The following COL13A1 variants were observed in gnomAD, a reference collection of about 807,000 sequenced individuals.
COL13A1 encodes the protein collagen type XIII alpha 1 chain.
Under a neutral mutation model 130.9 loss-of-function variants are expected in COL13A1, and 89 were observed. That is an observed-to-expected ratio of 0.68 (90% confidence interval 0.57 to 0.81). The LOEUF is 0.81. Among genes scored for constraint, COL13A1 ranks in the 30% least tolerant of loss-of-function variants. COL13A1 has a pLI of 0.00. For missense variants in COL13A1, 879 were observed against 934.6 expected (o/e 0.94, Z 0.78); for synonymous variants, 402 against 341.6 (o/e 1.18, Z -1.95).
intron 30 of COL13A1, 84 bp from the exon 31 acceptor site, chr10:69,932,476 C>A: frequency 1.1e-6 from 1 of 942,408 alleles, no homozygotes; most frequent in Admixed American, 1.9e-5. Flanking sequence ...ACGTCCCAGT[C>A]TAGTTTGTCA....
At chr10:69,820,820 C>T (rs980843974) in intron 1 of COL13A1, among the ~76,000 whole-genome samples, 4 of 152,160 alleles carry the variant, frequency 2.6e-5, no homozygotes, top group Non-Finnish European at 4.4e-5. Context: ...GCAGGTGGAG[C>T]GGGCTTTGTG....
At chr10:69,897,007 G>A (rs1394253237) in intron 13 of COL13A1, among the ~76,000 whole-genome samples, 1 of 152,150 alleles carries the variant, frequency 6.6e-6, no homozygotes, top group Non-Finnish European at 1.5e-5. Flanking sequence ...TGTGTCTCCC[G>A]TTCTTAGTAA....
intron 2 of COL13A1, among the ~76,000 whole-genome samples, chr10:69,839,484 C>T (rs923858812): frequency 8.5e-5 from 13 of 152,116 alleles, no homozygotes; most frequent in African/African-American, 3.1e-4. Context: ...GGGATATTTT[C>T]GATAGGGCAT....
At chr10:69,940,671 GGA>G (rs2067496805) in intron 34 of COL13A1, among the ~76,000 whole-genome samples, 1 of 152,156 alleles carries the variant, frequency 6.6e-6, no homozygotes, top group African/African-American at 2.4e-5. Context: ...AACACTGAAG[GGA>G]GAGGGGTTTC....
chr10:69,855,778 G>GGGGAGGGATGCAAGA (rs11269485), intron 2 of COL13A1, among the ~76,000 whole-genome samples: 77,318 of 148,182 alleles, frequency 0.52, 20,569 homozygotes, highest in East Asian at 0.61. Context: ...CAGTAGAAGG[G>GGGGAGGGATGCAAGA]GGGAGGGATG....
intron 2 of COL13A1, among the ~76,000 whole-genome samples, chr10:69,832,454 T>C (rs886860667): frequency 3.3e-5 from 5 of 152,254 alleles, no homozygotes; most frequent in Admixed American, 2.0e-4. Flanking sequence ...ATGAAAGTTC[T>C]TGGTCAACCA....
rs76717613 is a variant in COL13A1, at chr10:69,856,417, T to C, written c.365-11381T>C. On this transcript the variant is annotated intron_variant, in intron 2 of 40. Transcript: ENST00000645393. ...TGACCTGCCTGGCTCCTTGTAGGCATTGGAGTTTGTGACACCTAATCTCCC... is the reference window on the plus strand; with the variant it reads ...TGACCTGCCTGGCTCCTTGTAGGCACTGGAGTTTGTGACACCTAATCTCCC... Among the ~76,000 whole-genome samples the C allele has an allele frequency of 7.9e-3, 1,201 of 152,314 alleles. 17 individuals carry two copies. Among genetic ancestry groups the C allele is most frequent in the African/African-American group, 0.028 (1,148 of 41,562 alleles).
intron 7 of COL13A1, among the ~76,000 whole-genome samples, chr10:69,884,202 C>A (rs955597356): frequency 2.6e-5 from 4 of 152,178 alleles, no homozygotes; most frequent in African/African-American, 9.7e-5. Flanking sequence ...CTGTCTTGGA[C>A]GGCTGGCAAG....
chr10:69,855,128 A>G (rs140223968), intron 2 of COL13A1, among the ~76,000 whole-genome samples: 1 of 152,346 alleles, frequency 6.6e-6, no homozygotes, highest in African/African-American at 2.4e-5. Context: ...GCTGAGTTAT[A>G]AAGATTAGAA....
intron 2 of COL13A1, among the ~76,000 whole-genome samples, chr10:69,848,614 C>T (rs1395838073): frequency 6.6e-6 from 1 of 152,220 alleles, no homozygotes; most frequent in South Asian, 2.1e-4. Flanking sequence ...GAACAGCCAA[C>T]AGGTGTGGAC....
intron 13 of COL13A1, chr10:69,897,327 T>A: frequency 1.3e-6 from 1 of 745,500 alleles, no homozygotes; most frequent in South Asian, 2.0e-5. Flanking sequence ...CACCAAGAAA[T>A]CCAGGTGGCC....
chr10:69,863,297 G>A (rs552252310), intron 2 of COL13A1, among the ~76,000 whole-genome samples: 2 of 152,104 alleles, frequency 1.3e-5, no homozygotes, highest in Admixed American at 6.5e-5. Flanking sequence ...AAATTCCCCC[G>A]AGCTGAGAAC....
chr10:69,946,090 C>CAAA (rs772972376), intron 37 of COL13A1, among the ~76,000 whole-genome samples: 5 of 108,344 alleles, frequency 4.6e-5, no homozygotes, highest in African/African-American at 1.4e-4. Context: ...ACACACAAAC[C>CAAA]AAAAAAAAAA....
chr10:69,899,568 C>T (rs896583237), intron 14 of COL13A1, among the ~76,000 whole-genome samples: 3 of 152,196 alleles, frequency 2.0e-5, no homozygotes, highest in Non-Finnish European at 2.9e-5. Context: ...TCTGATCCCT[C>T]GTAACCTGAG....
intron 10 of COL13A1, 26 bp from the exon 11 acceptor site, chr10:69,894,526 G>A (rs2061462251): frequency 1.2e-6 from 2 of 1,613,356 alleles, no homozygotes; most frequent in African/African-American, 1.3e-5. Flanking sequence ...TCTGCCCACT[G>A]ACCTGTGTGT....
intron 17 of COL13A1, among the ~76,000 whole-genome samples, chr10:69,912,000 G>A (rs536114888): frequency 6.6e-5 from 10 of 152,344 alleles, no homozygotes; most frequent in Non-Finnish European, 1.3e-4. Context: ...CTAGATGCAG[G>A]AGCCTGCTAG....
chr10:69,881,624 A>C (rs1270693561), intron 7 of COL13A1, among the ~76,000 whole-genome samples: 24 of 152,186 alleles, frequency 1.6e-4, no homozygotes, highest in Non-Finnish European at 1.5e-5. Flanking sequence ...GCTGGCAGAC[A>C]TGTCAGGGGC....
chr10:69,880,960 C>A (rs567010698), intron 7 of COL13A1, among the ~76,000 whole-genome samples: 27 of 152,340 alleles, frequency 1.8e-4, no homozygotes, highest in African/African-American at 6.0e-4. Context: ...CCCAGGCACG[C>A]ACTACTGGTC....
chr10:69,893,417 G>A (rs1234984695), intron 10 of COL13A1, among the ~76,000 whole-genome samples: 3 of 152,350 alleles, frequency 2.0e-5, no homozygotes, highest in Admixed American at 2.0e-4. Flanking sequence ...CACATGGATG[G>A]TCCCAAAGGC....
Sources: gnomAD v4.1 joint callset for allele counts (sites outside exome capture counted in the v4.1 genomes callset) on GRCh38, gnomAD v4.1.1 for gene constraint, MANE v1.5 for transcripts, NCBI Gene and HGNC (gene_info 2026-07-23, HGNC 2026-07-21) for gene names.